The following LCOR variants were observed in gnomAD, a reference collection of about 807,000 sequenced individuals.
LCOR encodes the protein ligand dependent nuclear receptor corepressor.
Under a neutral mutation model 64.4 loss-of-function variants are expected in LCOR, and 14 were observed. The ratio of observed to expected loss-of-function variants is 0.22; its 90% CI spans 0.14 to 0.34. LCOR has a LOEUF of 0.34. Among genes scored for constraint, LCOR ranks in the 10% least tolerant of loss-of-function variants. The pLI, the probability that LCOR is intolerant of heterozygous loss-of-function variation, is 1.00. For synonymous variants in LCOR, 643 were observed against 642.5 expected (o/e 1.00, Z -0.01); for missense variants, 1,686 against 1,765.3 (o/e 0.96, Z 0.80).
At chr10:96,891,444 G>A (rs11188964) in intron 2 of LCOR, among the ~76,000 whole-genome samples, 9,802 of 134,586 alleles carry the variant, frequency 0.073, 689 homozygotes, top group East Asian at 0.3. Context: ...GATTTTTTCC[G>A]AGAAATTTTG....
In LCOR at chr10:96,933,552, G is replaced by A. The variant is rs187925394; in HGVS notation, c.-183-10561G>A. ...AAGACTCTTTTTGAGATGGAGTCTC[G>A]CTCTGTTGCCCAGGCTGGAGTGGAG... On this transcript the variant is annotated intron_variant, in intron 4 of 7. Coordinates refer to ENST00000421806, the MANE Select transcript of LCOR (RefSeq NM_001346516.2). Among the ~76,000 whole-genome samples the A allele has an allele frequency of 3.9e-5, 6 of 152,212 alleles. 1 individual carries two copies. Among genetic ancestry groups the A allele is most frequent in the Admixed American group, 3.9e-4 (6 of 15,278 alleles).
chr10:96,833,414 T>G lies in LCOR; in HGVS notation c.-395T>G. The G allele has an allele frequency of 2.0e-6, 2 of 985,982 alleles. No homozygotes were observed. Among genetic ancestry groups the G allele is most frequent in the Non-Finnish European group, 2.4e-6 (2 of 830,084 alleles). 61.1% of individuals were successfully genotyped at this position (985,982 alleles called of 1,614,324 possible). On this transcript the variant is annotated 5_prime_UTR_variant, in exon 2 of 8. Transcript: ENST00000421806. ...TGTTTTTCTCTCCCAAGGTCCCGTT[T>G]CCCTCTGTGCGGCGGCCGGCGGGAC...
rs1023530827 is a variant in LCOR, at chr10:96,952,093, G to A, written c.239-10G>A. On this transcript the variant is annotated splice_polypyrimidine_tract_variant and intron_variant, in intron 6 of 7. Coordinates refer to ENST00000421806, the MANE Select transcript of LCOR (RefSeq NM_001346516.2). ...TTAATATCCTCAGGTGTTTCTTTGTGTCTCTGCAGACGGTGTACTTGATCT... is the reference window on the plus strand; with the variant it reads ...TTAATATCCTCAGGTGTTTCTTTGTATCTCTGCAGACGGTGTACTTGATCT... 1 of 1,604,988 alleles carries A rather than the reference G, an allele frequency of 6.2e-7. No individual in the cohort carries two copies. The highest frequency in any genetic ancestry group is 8.5e-7 in the Non-Finnish European group (1 of 1,172,786).
In LCOR at chr10:96,983,281, C is replaced by A. The variant is rs140596273; in HGVS notation, c.2821C>A (p.Leu941Met). Residue 941 changes from leucine to methionine, a missense_variant, in exon 8 of 8, where the codon CTG becomes ATG. Physicochemically the swap from Leu to Met is conservative, Grantham distance 15 (BLOSUM62 2). Around this residue, in one of 3 missense-constraint regions of LCOR, gnomAD observed 1,293 missense variants for 1,410.4 expected, o/e 0.92. Transcript: ENST00000421806. This position sits in a 1 kb window ranked among gnomAD's most constrained non-coding sequence, Gnocchi z 4.5. ...RDPITTAGQP[L>M]PGERLEIYVQ... is the part of the protein sequence containing the mutation. ...CCCCATAACCACAGCTGGACAGCCACTGCCTGGAGAGAGATTGGAAATCTA... is the reference window on the plus strand; with the variant it reads ...CCCCATAACCACAGCTGGACAGCCAATGCCTGGAGAGAGATTGGAAATCTA... 1 of 1,614,222 alleles carries A rather than the reference C, an allele frequency of 6.2e-7. No homozygotes were observed. Among genetic ancestry groups the A allele is most frequent in the African/African-American group, 1.3e-5 (1 of 75,042 alleles).
rs1429917025 is a variant in LCOR, at chr10:96,983,487, A to G, written c.3027A>G (p.Pro1009=). The G allele has an allele frequency of 5.6e-6, 9 of 1,614,008 alleles. No individual in the cohort carries two copies. The highest frequency in any genetic ancestry group is 5.9e-6 in the Non-Finnish European group (7 of 1,180,044). Residue 1009 remains proline, a synonymous_variant, in exon 8 of 8, where the codon CCA becomes CCG. Transcript: ENST00000421806. This position sits in a 1 kb window ranked among gnomAD's most constrained non-coding sequence, Gnocchi z 4.5. The part of the protein sequence containing the change: ...TQQKDDESDA[P]CSSLGLSSSG... Reference sequence around the variant, plus strand: ...AGAAAGATGATGAGAGTGATGCCCCATGCAGCTCTCTTGGGTTGTCGAGTA... The same window carrying G: ...AGAAAGATGATGAGAGTGATGCCCCGTGCAGCTCTCTTGGGTTGTCGAGTA...
chr10:96,933,629 C>T lies in LCOR; in HGVS notation c.-183-10484C>T, dbSNP rs185513908. Reference sequence around the variant, plus strand: ...CCGTCTCCTGGGTCCAAGCAATTCTCCTGCCTCAGCCTCCTGAGTAGCTGG... The same window carrying T: ...CCGTCTCCTGGGTCCAAGCAATTCTTCTGCCTCAGCCTCCTGAGTAGCTGG... On this transcript the variant is annotated intron_variant, in intron 4 of 7. Coordinates refer to ENST00000421806, the MANE Select transcript of LCOR (RefSeq NM_001346516.2). Among the ~76,000 whole-genome samples, 501 of 152,278 alleles carry T rather than the reference C, an allele frequency of 3.3e-3. 3 individuals carry two copies. The highest frequency in any genetic ancestry group is 0.012 in the African/African-American group (482 of 41,568).
intron 2 of LCOR, among the ~76,000 whole-genome samples, chr10:96,875,983 TA>T (rs1182514268): frequency 6.6e-6 from 1 of 151,522 alleles, no homozygotes; most frequent in Non-Finnish European, 1.5e-5. Flanking sequence ...AATAGCTAAT[TA>T]TATCTAGCTG....
intron 7 of LCOR, among the ~76,000 whole-genome samples, chr10:96,975,479 C>G (rs1428963675): frequency 2.6e-5 from 4 of 151,760 alleles, no homozygotes; most frequent in African/African-American, 9.7e-5. Context: ...CAGAAACATA[C>G]ACAGCCTAAC....
At chr10:96,936,664 C>T (rs978098508) in intron 4 of LCOR, among the ~76,000 whole-genome samples, 3 of 152,182 alleles carry the variant, frequency 2.0e-5, no homozygotes, top group African/African-American at 4.8e-5. Flanking sequence ...TGATGTAAGG[C>T]GAAACAGAAA....
chr10:96,856,483 T>G (rs1192214526), intron 2 of LCOR, among the ~76,000 whole-genome samples: 1 of 147,728 alleles, frequency 6.8e-6, no homozygotes, highest in Non-Finnish European at 1.5e-5. Context: ...CTCCCTGCCT[T>G]CCTTCCTTTA....
chr10:96,894,762 G>A (rs1846508197), intron 2 of LCOR, among the ~76,000 whole-genome samples: 1 of 152,114 alleles, frequency 6.6e-6, no homozygotes, highest in African/African-American at 2.4e-5. Flanking sequence ...ATATAAATTA[G>A]ATATATTTAG....
At chr10:96,860,427 C>T (rs1239305639) in intron 2 of LCOR, among the ~76,000 whole-genome samples, 1 of 151,966 alleles carries the variant, frequency 6.6e-6, no homozygotes, top group Non-Finnish European at 1.5e-5. Context: ...CCAAGGATTG[C>T]CAAGGATTGC....
At chr10:96,956,992 A>G (rs2134536829) in intron 7 of LCOR, 1 of 985,272 alleles carries the variant, frequency 1.0e-6, no homozygotes, top group African/African-American at 1.7e-5. Flanking sequence ...TAGTCTGCCC[A>G]GTGTCCACAT....
At chr10:96,897,599 T>A (rs989582027) in intron 2 of LCOR, among the ~76,000 whole-genome samples, 9 of 152,232 alleles carry the variant, frequency 5.9e-5, no homozygotes, top group African/African-American at 1.9e-4. Context: ...GCATTATGTA[T>A]GTAAATACTG....
At chr10:96,847,936 A>G (rs1845660408) in intron 2 of LCOR, among the ~76,000 whole-genome samples, 1 of 152,122 alleles carries the variant, frequency 6.6e-6, no homozygotes, top group South Asian at 2.1e-4. Flanking sequence ...CCTTTTCCTG[A>G]GGACTTAAAC....
rs201305477 is a variant in LCOR at position 96,984,088 on chromosome 10, G to C, written c.3628G>C (p.Val1210Leu). Residue 1210 changes from valine to leucine, a missense_variant, in exon 8 of 8, where the codon GTT (valine) becomes CTT (leucine). Around this residue, in one of 3 missense-constraint regions of LCOR, gnomAD observed 1,293 missense variants for 1,410.4 expected, o/e 0.92. Transcript: ENST00000421806. ...GCTCAATACTCGCCTTCCAGGAGAC[G>C]TTCCCCCTGTCAAGCATCCTCTTCA... The part of the protein sequence containing the change: ...KKLNTRLPGD[V>L]PPVKHPLQKY... 3.6e-4 allele frequency: 579 copies of C among 1,614,058 alleles called. 4 individuals carry two copies. The South Asian group carries it at 4.9e-3, about 14-fold the overall frequency.
rs1382453752 is a variant in LCOR at position 96,949,049 on chromosome 10, C to T, written c.-9C>T. 8.7e-6 allele frequency: 14 copies of T among 1,613,592 alleles called. No individual in the cohort carries two copies. The highest frequency in any genetic ancestry group is 5.0e-5 in the Admixed American group (3 of 59,986). On this transcript the variant is annotated 5_prime_UTR_variant, in exon 6 of 8. Coordinates refer to ENST00000421806, the MANE Select transcript of LCOR (RefSeq NM_001346516.2). ...CGACCCCAATATTCCCCTAGTGGCC[C>T]GTGAGATCATGCAGCGAATGATCCA...
chr10:96,924,783 T>G (rs1199914817), intron 4 of LCOR, among the ~76,000 whole-genome samples: 1 of 152,208 alleles, frequency 6.6e-6, no homozygotes, highest in East Asian at 1.9e-4. Flanking sequence ...CTCTTAAATA[T>G]TTCAGTGTGT....
intron 4 of LCOR, among the ~76,000 whole-genome samples, chr10:96,943,844 AT>A (rs1202387639): frequency 2.0e-5 from 3 of 152,176 alleles, no homozygotes; most frequent in Non-Finnish European, 4.4e-5. Flanking sequence ...TTTCAAGGAA[AT>A]TATCCCTCTG....
Sources: gnomAD v4.1 joint callset for allele counts (sites outside exome capture counted in the v4.1 genomes callset) on GRCh38, gnomAD v4.1.1 for gene constraint, gnomAD v4.1.1 regional missense constraint, Gnocchi (gnomAD v3.1) non-coding constraint, MANE v1.5 for transcripts, NCBI Gene and HGNC (gene_info 2026-07-23, HGNC 2026-07-21) for gene names.